KIF13A: variants seen among roughly 807,000 people sequenced by gnomAD.
KIF13A encodes the protein kinesin family member 13A, also known as kinesin-like protein KIF13A.
Under a neutral mutation model 212.2 loss-of-function variants are expected in KIF13A, and 79 were observed. The ratio of observed to expected loss-of-function variants is 0.37; its 90% CI spans 0.31 to 0.45. The LOEUF (loss-of-function observed/expected upper bound fraction) is 0.45. Ranked by LOEUF, KIF13A falls within the 20% of genes least tolerant of loss-of-function variation. The pLI, the probability that KIF13A is intolerant of heterozygous loss-of-function variation, is 1.00. For missense variants in KIF13A, 1,901 were observed against 2,209.0 expected (o/e 0.86, Z 2.79); for synonymous variants, 789 against 808.6 (o/e 0.98, Z 0.41).
intron 2 of KIF13A, among the ~76,000 whole-genome samples, chr6:17,946,162 C>A (rs922915780): frequency 6.6e-6 from 1 of 152,054 alleles, no homozygotes; most frequent in African/African-American, 2.4e-5. Flanking sequence ...TGCTTTGTTG[C>A]CAAGGCTGAT....
chr6:17,955,607 TG>T (rs1778290016), intron 2 of KIF13A, among the ~76,000 whole-genome samples: 1 of 152,254 alleles, frequency 6.6e-6, no homozygotes, highest in African/African-American at 2.4e-5. Context: ...GGTTTAAATT[TG>T]TCTTATTTAA....
At chr6:17,836,745 A>T in intron 11 of KIF13A, 133 bp downstream of exon 11, 1 of 811,802 alleles carries the variant, frequency 1.2e-6, no homozygotes. Context: ...ATTACAATTC[A>T]ACATGAGATT....
At chr6:17,952,247 T>C (rs1777920130) in intron 2 of KIF13A, among the ~76,000 whole-genome samples, 2 of 145,572 alleles carry the variant, frequency 1.4e-5, no homozygotes, top group East Asian at 2.0e-4. Flanking sequence ...GAGCTTGCCA[T>C]GAGCCGAGAT....
chr6:17,774,916 T>C, intron 35 of KIF13A, 99 bp downstream of exon 35: 2 of 787,028 alleles, frequency 2.5e-6, no homozygotes, highest in South Asian at 1.9e-5. Context: ...ACTGACAGGA[T>C]CAACCAGGTG....
At chr6:17,928,064 T>C (rs963764372) in intron 2 of KIF13A, among the ~76,000 whole-genome samples, 1 of 152,150 alleles carries the variant, frequency 6.6e-6, no homozygotes, top group Admixed American at 6.5e-5. Context: ...AAATGCAATA[T>C]ATGAAAGCTG....
At position 17,852,055 on chromosome 6, in the gene KIF13A, G is replaced by T; in HGVS notation, c.495-13C>A. 7.2e-7 allele frequency: 1 copy of T among 1,380,794 alleles called. No homozygotes were observed. The highest frequency in any genetic ancestry group is 2.9e-5 in the Admixed American group (1 of 34,194). 85.5% of individuals were successfully genotyped at this position (1,380,794 alleles called of 1,614,324 possible). ...AGACTGTCTACTCCTGCGGGAGGGA[G>T]GAAAAAGGAATAAATGAATCACACC... is the stretch of plus-strand genomic sequence containing the variant. On this transcript the variant is annotated splice_polypyrimidine_tract_variant and intron_variant, in intron 6 of 38. Coordinates refer to ENST00000259711, the MANE Select transcript of KIF13A (RefSeq NM_022113.6).
At chr6:17,975,213 C>T (rs1352883574) in intron 2 of KIF13A, among the ~76,000 whole-genome samples, 4 of 152,178 alleles carry the variant, frequency 2.6e-5, no homozygotes, top group East Asian at 1.9e-4. Context: ...AACTAGCAGG[C>T]GGGGTGGCAG....
chr6:17,780,111 C>G (rs986810401), intron 31 of KIF13A, among the ~76,000 whole-genome samples: 2 of 152,188 alleles, frequency 1.3e-5, no homozygotes, highest in African/African-American at 4.8e-5. Context: ...ATGCAGAATA[C>G]TCAGCATAAC....
chr6:17,891,637 C>G (rs974661743), intron 3 of KIF13A, among the ~76,000 whole-genome samples: 1 of 151,976 alleles, frequency 6.6e-6, no homozygotes, highest in Non-Finnish European at 1.5e-5. Flanking sequence ...TCATGTCTCT[C>G]GTCTCAGCTA....
chr6:17,952,747 G>A (rs1161818765), intron 2 of KIF13A, among the ~76,000 whole-genome samples: 1 of 151,748 alleles, frequency 6.6e-6, no homozygotes, highest in Non-Finnish European at 1.5e-5. Context: ...TGGCTAACAC[G>A]GTGAAACACT....
Position 17,912,194 on chromosome 6 carries a change from A to C in KIF13A, c.147-14014T>G, listed in dbSNP as rs1239589378. ...TGATTATTACGCATTGCATGCCTACATCAAAACATCTCATGTACCCTATAA... is the reference window on the plus strand; with the variant it reads ...TGATTATTACGCATTGCATGCCTACCTCAAAACATCTCATGTACCCTATAA... On this transcript the variant is annotated intron_variant, in intron 2 of 38. Transcript: ENST00000259711. The surrounding 1 kb of genome is among the most constrained non-coding windows in gnomAD (Gnocchi z 4.2). Among the ~76,000 whole-genome samples the C allele has an allele frequency of 6.6e-6, 1 of 152,242 alleles. No homozygotes were observed. The highest frequency in any genetic ancestry group is 1.5e-5 in the Non-Finnish European group (1 of 68,044).
intron 2 of KIF13A, among the ~76,000 whole-genome samples, chr6:17,933,998 T>C (rs1776237723): frequency 6.6e-6 from 1 of 152,234 alleles, no homozygotes; most frequent in African/African-American, 2.4e-5. Context: ...TTTCAAGTTA[T>C]ATTTTCTCTC....
At chr6:17,957,639 C>A (rs1346437466) in intron 2 of KIF13A, among the ~76,000 whole-genome samples, 1 of 152,134 alleles carries the variant, frequency 6.6e-6, no homozygotes, top group African/African-American at 2.4e-5. Flanking sequence ...AGCCCTCAAC[C>A]CGTGGGATCT....
In KIF13A at chr6:17,773,550, A is replaced by T; in HGVS notation, c.4252T>A (p.Tyr1418Asn). 1 of 1,611,634 alleles carries T rather than the reference A, an allele frequency of 6.2e-7. No individual in the cohort carries two copies. Among genetic ancestry groups the T allele is most frequent in the South Asian group, 1.1e-5 (1 of 90,870 alleles). Reference protein sequence around the residue: ...WPENQLDMSDYSSSYQDVACY... With the variant: ...WPENQLDMSDNSSSYQDVACY... ...GCTACATCTTGGTAACTGGAGCTAT[A>T]GTCAGACATGTCCAACTGGTTCTCT... is the stretch of plus-strand genomic sequence containing the variant. Residue 1418 changes from tyrosine (Y) to asparagine (N), a missense_variant, in exon 36 of 39, where the codon TAT (tyrosine) becomes AAT (asparagine). Physicochemically the swap from Tyr to Asn is moderately radical, Grantham distance 143. Coordinates refer to ENST00000259711, the MANE Select transcript of KIF13A (RefSeq NM_022113.6). This position sits in a 1 kb window ranked among gnomAD's most constrained non-coding sequence, Gnocchi z 4.2.
At chr6:17,866,614 T>C (rs899897517) in intron 4 of KIF13A, among the ~76,000 whole-genome samples, 9 of 152,114 alleles carry the variant, frequency 5.9e-5, no homozygotes, top group South Asian at 2.1e-4. Flanking sequence ...CTAGTGCATG[T>C]AGAGGGATCG....
chr6:17,769,835 C>G lies in KIF13A; in HGVS notation c.4581+1279G>C, dbSNP rs1418432681. ...GAGGGTGGTCAGGTAAGTGAGAGAA[C>G]AGCTCAGTAAGATTTGGAGAGATGA... is the stretch of plus-strand genomic sequence containing the variant. On this transcript the variant is annotated intron_variant, in intron 38 of 38. Transcript: ENST00000259711. This position sits in a 1 kb window ranked among gnomAD's most constrained non-coding sequence, Gnocchi z 5.8. Among the ~76,000 whole-genome samples, 2 of 152,110 alleles carry G rather than the reference C, an allele frequency of 1.3e-5. No individual in the cohort carries two copies. Among genetic ancestry groups the G allele is most frequent in the African/African-American group, 4.8e-5 (2 of 41,426 alleles).
intron 4 of KIF13A, among the ~76,000 whole-genome samples, chr6:17,864,441 C>A (rs1002001211): frequency 6.6e-6 from 1 of 152,180 alleles, no homozygotes; most frequent in African/African-American, 2.4e-5. Context: ...TTTCTACAAG[C>A]AAAGTCACAG....
At chr6:17,983,648 C>G (rs1053457080) in intron 2 of KIF13A, among the ~76,000 whole-genome samples, 12 of 151,954 alleles carry the variant, frequency 7.9e-5, no homozygotes, top group Admixed American at 7.9e-4. Context: ...ATGTACCACT[C>G]GGCTAATTTT....
chr6:17,784,547 T>G (rs144710549), intron 28 of KIF13A, among the ~76,000 whole-genome samples: 1 of 151,570 alleles, frequency 6.6e-6, no homozygotes, highest in Non-Finnish European at 1.5e-5. Flanking sequence ...AAAAGAAGAG[T>G]CGTGGGTCCT....
Sources: gnomAD v4.1 joint callset for allele counts (sites outside exome capture counted in the v4.1 genomes callset) on GRCh38, gnomAD v4.1.1 for gene constraint, Gnocchi (gnomAD v3.1) non-coding constraint, MANE v1.5 for transcripts, NCBI Gene and HGNC (gene_info 2026-07-23, HGNC 2026-07-21) for gene names.